The following CPED1 variants were observed in gnomAD, a reference collection of about 807,000 sequenced individuals.
CPED1 encodes cadherin like and PC-esterase domain containing 1.
Under a neutral mutation model 128.2 loss-of-function variants are expected in CPED1, and 114 were observed. That is an observed-to-expected ratio of 0.89 (90% confidence interval 0.76 to 1.04). The LOEUF (loss-of-function observed/expected upper bound fraction) is 1.04, where lower values mean the gene tolerates loss of function less well. Among genes scored for constraint, CPED1 ranks in the 50% least tolerant of loss-of-function variants. The probability of loss-of-function intolerance (pLI) is 0.00; values close to 1 mark genes in which losing one functional copy is unlikely to be tolerated. For missense variants in CPED1, 1,211 were observed against 1,207.1 expected, an observed-to-expected ratio of 1.00 and a Z score of -0.05; for synonymous variants, 462 against 426.7, an observed-to-expected ratio of 1.08 and a Z score of -1.02.
intron 16 of CPED1, among the ~76,000 whole-genome samples, chr7:121,235,149 G>C (rs761990548): frequency 8.6e-5 from 13 of 151,906 alleles, no homozygotes; most frequent in Non-Finnish European, 1.2e-4. Flanking sequence ...CCTTATAAAA[G>C]ATCCAGTCTC....
intron 16 of CPED1, among the ~76,000 whole-genome samples, chr7:121,147,886 A>G (rs1796063024): frequency 6.6e-6 from 1 of 152,152 alleles, no homozygotes; most frequent in Non-Finnish European, 1.5e-5. Flanking sequence ...AGCCATCTAG[A>G]TTCTGAGATA....
At chr7:121,022,915 G>A (rs2192287) in intron 3 of CPED1, among the ~76,000 whole-genome samples, 151,077 of 152,106 alleles carry the variant, frequency 0.99, 75,033 homozygotes, top group Middle Eastern at 1. Flanking sequence ...TTTTAATAAC[G>A]TACTTCTCTA....
chr7:121,141,127 C>A (rs779464289), intron 15 of CPED1, 114 bp downstream of exon 15: 31 of 757,822 alleles, frequency 4.1e-5, no homozygotes, highest in Non-Finnish European at 5.3e-5. Flanking sequence ...TGAAAGATTG[C>A]CAGGATGTGA....
chr7:121,129,312 CGTATATATATATATATATATAT>C (rs1563037549), intron 11 of CPED1, among the ~76,000 whole-genome samples: 15 of 13,644 alleles, frequency 1.1e-3, no homozygotes, highest in African/African-American at 1.3e-3. Flanking sequence ...TATATATATA[CGTATATATATATATATATATAT>C]ACGTATATAT....
intron 22 of CPED1, among the ~76,000 whole-genome samples, chr7:121,290,417 C>A (rs1792673010): frequency 6.6e-6 from 1 of 152,182 alleles, no homozygotes; most frequent in South Asian, 2.1e-4. Context: ...ATTTACACTC[C>A]CACCAACAGT....
intron 4 of CPED1, chr7:121,051,243 C>G: frequency 2.1e-6 from 1 of 475,166 alleles, no homozygotes; most frequent in Non-Finnish European, 4.2e-6. Flanking sequence ...GTCCCTGACT[C>G]CCCTCTTGTA....
At chr7:121,121,398 G>C (rs1210908704) in intron 7 of CPED1, among the ~76,000 whole-genome samples, 2 of 152,110 alleles carry the variant, frequency 1.3e-5, no homozygotes, top group Admixed American at 6.5e-5. Flanking sequence ...AACAAATGAT[G>C]ATGCATTAGC....
chr7:121,293,903 C>T (rs971410584), intron 22 of CPED1, among the ~76,000 whole-genome samples: 1 of 152,090 alleles, frequency 6.6e-6, no homozygotes, highest in African/African-American at 2.4e-5. Flanking sequence ...AATCACCTGC[C>T]TTCTGCCTTG....
intron 16 of CPED1, among the ~76,000 whole-genome samples, chr7:121,203,977 C>T (rs1797463012): frequency 6.6e-6 from 1 of 152,074 alleles, no homozygotes; most frequent in Non-Finnish European, 1.5e-5. Context: ...TGCATTTGCA[C>T]CTGCACTCAG....
intron 7 of CPED1, among the ~76,000 whole-genome samples, chr7:121,105,259 T>C (rs543845320): frequency 1.3e-5 from 2 of 152,268 alleles, no homozygotes; most frequent in African/African-American, 4.8e-5. Flanking sequence ...GAAGTTAGCC[T>C]CATTTGTCGT....
chr7:121,076,677 G>T (rs549648221), intron 5 of CPED1: 2 of 152,158 alleles, frequency 1.3e-5, no homozygotes, highest in Non-Finnish European at 2.9e-5. Context: ...TTCTTATCCA[G>T]CAATGTTTTA....
intron 22 of CPED1, among the ~76,000 whole-genome samples, chr7:121,284,133 G>A (rs568799348): frequency 1.2e-4 from 18 of 152,278 alleles, no homozygotes; most frequent in African/African-American, 3.4e-4. Flanking sequence ...AAGGAAACAC[G>A]TCCTTCTTTA....
intron 16 of CPED1, among the ~76,000 whole-genome samples, chr7:121,147,863 TA>T (rs1796062349): frequency 6.6e-6 from 1 of 152,168 alleles, no homozygotes; most frequent in Admixed American, 6.6e-5. Flanking sequence ...GACTTATTTT[TA>T]AAAAATCAAT....
chr7:121,102,459 T>G (rs1252546044), intron 7 of CPED1, among the ~76,000 whole-genome samples: 1 of 152,128 alleles, frequency 6.6e-6, no homozygotes, highest in East Asian at 1.9e-4. Context: ...GTCACTTCCC[T>G]TTGTAGCCAG....
intron 14 of CPED1, among the ~76,000 whole-genome samples, chr7:121,136,498 A>C (rs1383728423): frequency 1.3e-5 from 2 of 152,096 alleles, no homozygotes; most frequent in Non-Finnish European, 2.9e-5. Context: ...AACAGTTGAG[A>C]GTTTTTAAGC....
At chr7:121,031,180 A>G (rs1318602258) in intron 3 of CPED1, among the ~76,000 whole-genome samples, 1 of 152,202 alleles carries the variant, frequency 6.6e-6, no homozygotes, top group African/African-American at 2.4e-5. Flanking sequence ...GGTTTTTTCA[A>G]CTTGTTGCTA....
At chr7:121,123,284 T>C (rs1188996650) in intron 7 of CPED1, among the ~76,000 whole-genome samples, 2 of 152,292 alleles carry the variant, frequency 1.3e-5, no homozygotes, top group Non-Finnish European at 1.5e-5. Flanking sequence ...GAATTTTGCT[T>C]ATGCATTGAG....
intron 16 of CPED1, among the ~76,000 whole-genome samples, chr7:121,186,471 T>G (rs1415996119): frequency 6.6e-6 from 1 of 152,138 alleles, no homozygotes; most frequent in African/African-American, 2.4e-5. Flanking sequence ...TGGGCCAATA[T>G]AATTTTTTAA....
intron 16 of CPED1, among the ~76,000 whole-genome samples, chr7:121,142,595 G>T (rs1426186503): frequency 6.6e-6 from 1 of 151,880 alleles, no homozygotes; most frequent in African/African-American, 2.4e-5. Flanking sequence ...ATTTGCTTGG[G>T]ATAGTTAAAT....
Sources: allele counts gnomAD v4.1 joint callset (sites outside exome capture counted in the v4.1 genomes callset), GRCh38; gene constraint gnomAD v4.1.1; transcripts MANE v1.5; gene names NCBI Gene and HGNC (gene_info 2026-07-23, HGNC 2026-07-21).